COL7A1: variants seen among roughly 807,000 people sequenced by gnomAD.
COL7A1 encodes collagen type VII alpha 1 chain.
A neutral mutation model predicts 456.2 loss-of-function variants in COL7A1; 296 were observed. That is an observed-to-expected ratio of 0.65 (90% CI 0.59 to 0.71). The LOEUF is 0.71. COL7A1 is among the 30% of genes least tolerant of loss of function. The pLI is 0.00. For missense variants in COL7A1, 3,441 were observed against 4,017.2 expected (o/e 0.86, Z 3.88); for synonymous variants, 1,464 against 1,525.9 (o/e 0.96, Z 0.95).
In COL7A1 at chr3:48,587,247, G is replaced by C. The variant is rs757498533; in HGVS notation, c.3082C>G (p.Leu1028Val). The C allele has an allele frequency of 1.2e-6, 2 of 1,613,144 alleles. No homozygotes were observed. Among genetic ancestry groups the C allele is most frequent in the African/African-American group, 1.3e-5 (1 of 74,870 alleles). The stretch of plus-strand genomic sequence containing the variant: ...CGCACACCATCCAGGACAGGCGTCA[G>C]GGAGAAGATGTAAGAGACGCCAGGC... Reference protein sequence around the residue: ...LEPGVSYIFSLTPVLDGVRGP... With the variant: ...LEPGVSYIFSVTPVLDGVRGP... Residue 1028 changes from leucine to valine, a missense_variant, in exon 24 of 119, where the codon CTG (leucine) becomes GTG (valine). By Grantham distance (32) the Leu-to-Val change is conservative (BLOSUM62 1). Coordinates refer to ENST00000681320, the MANE Select transcript of COL7A1 (RefSeq NM_000094.4). The surrounding 1 kb of genome is among the most constrained non-coding windows in gnomAD (Gnocchi z 6.1).
intron 2 of COL7A1, 45 bp downstream of exon 2, chr3:48,595,030 G>A (rs1244710835): frequency 3.4e-6 from 5 of 1,456,130 alleles, no homozygotes; most frequent in Admixed American, 4.0e-5. Flanking sequence ...GCGGAGGGTG[G>A]CACGGTGCAG....
At position 48,575,649 on chromosome 3, in the gene COL7A1, C is replaced by T. The variant is rs144208360; in HGVS notation, c.5956G>A (p.Glu1986Lys). 9.7e-5 allele frequency: 156 copies of T among 1,613,484 alleles called. No homozygotes were observed. The highest frequency in any genetic ancestry group is 9.1e-4 in the African/African-American group (68 of 75,078). The change falls in exon 73 of 119, where the codon GAA becomes AAA. Residue 1986 changes from glutamate (E) to lysine (K), a missense_variant. Physicochemically the swap from Glu to Lys is moderately conservative, Grantham distance 56. Around this residue, in one of 3 missense-constraint regions of COL7A1, gnomAD observed 2,084 missense variants for 2,501.3 expected, o/e 0.83. Coordinates refer to ENST00000681320, the MANE Select transcript of COL7A1 (RefSeq NM_000094.4). The surrounding 1 kb of genome is among the most constrained non-coding windows in gnomAD (Gnocchi z 6.3). ...ACCTCCTTGCCTGGGGGGCCCTGTT[C>T]GCCTGAGTCCCCCTTGGGGCCTCGA... ...RRRGPKGDSG[E>K]QGPPGKEGPI...
rs754267046 is a variant in COL7A1 at position 48,593,304 on chromosome 3, C to T, written c.521-41G>A. On this transcript the variant is annotated intron_variant, in intron 5 of 118. Transcript: ENST00000681320. The surrounding 1 kb of genome is among the most constrained non-coding windows in gnomAD (Gnocchi z 4.4). ...ATCAGGACTCAGTCACCCACATGCT[C>T]TCTGACTGCCCCCACCCCCCAGCTG... The T allele has an allele frequency of 1.9e-6, 3 of 1,614,082 alleles. No homozygotes were observed. Among genetic ancestry groups the T allele is most frequent in the Non-Finnish European group, 2.5e-6 (3 of 1,180,024 alleles).
chr3:48,571,814 C>T lies in COL7A1; in HGVS notation c.7068+187G>A, dbSNP rs1270444554. 17 of 721,780 alleles carry T rather than the reference C, an allele frequency of 2.4e-5. No homozygotes were observed. Among genetic ancestry groups the T allele is most frequent in the Non-Finnish European group, 4.0e-5 (17 of 423,912 alleles). 44.7% of individuals were successfully genotyped at this position (721,780 alleles called of 1,614,324 possible). ...GGCACACAGAAGCCAAGACAGGGCC[C>T]CCAGAGCTCAGAGTGTGGAAGCCGA... On this transcript the variant is annotated intron_variant, in intron 92 of 118. Transcript: ENST00000681320. This position sits in a 1 kb window ranked among gnomAD's most constrained non-coding sequence, Gnocchi z 4.6.
rs2045911530 is a variant in COL7A1, at chr3:48,594,233, G to T, written c.266+135C>A. On this transcript the variant is annotated intron_variant, in intron 3 of 118. Transcript: ENST00000681320. The surrounding 1 kb of genome is among the most constrained non-coding windows in gnomAD (Gnocchi z 5.5). ...ACCTCTGTCTCCAAAGGAGGTCCTG[G>T]CTAGGGGGTCTCTAGGTTCCCCAAA... 2 of 1,018,938 alleles carry T rather than the reference G, an allele frequency of 2.0e-6. No individual in the cohort carries two copies. Among genetic ancestry groups the T allele is most frequent in the East Asian group, 2.4e-5 (1 of 41,258 alleles). The allele number at this position is 1,018,938 out of a possible 1,614,324, so 63.1% of individuals were successfully genotyped here.
rs2043843255 is a variant in COL7A1 at position 48,570,517 on chromosome 3, G to C, written c.7345-17C>G. The C allele has an allele frequency of 6.2e-7, 1 of 1,614,028 alleles. No individual in the cohort carries two copies. The highest frequency in any genetic ancestry group is 8.5e-7 in the Non-Finnish European group (1 of 1,179,962). The stretch of plus-strand genomic sequence containing the variant: ...AGGTGGTCCCTGTAGGTCAGAGTGA[G>C]GTGAGGGTCCTGTGGCTCTCAAAGC... On this transcript the variant is annotated splice_polypyrimidine_tract_variant and intron_variant, in intron 96 of 118. Transcript: ENST00000681320. The surrounding 1 kb of genome is among the most constrained non-coding windows in gnomAD (Gnocchi z 5.5).
In COL7A1 at chr3:48,586,601, C is replaced by G; in HGVS notation, c.3365G>C (p.Arg1122Pro). Residue 1122 changes from arginine to proline, a missense_variant, in exon 26 of 119, where the codon CGT (arginine) becomes CCT (proline). Arg to Pro is a moderately radical substitution (Grantham distance 103). Transcript: ENST00000681320. The surrounding 1 kb of genome is among the most constrained non-coding windows in gnomAD (Gnocchi z 5.1). ...ACTTGGGTCCATGTAGGGCATGTCACGGATCCTTTGCAAGATAATGCCAAG... is the reference window on the plus strand; with the variant it reads ...ACTTGGGTCCATGTAGGGCATGTCAGGGATCCTTTGCAAGATAATGCCAAG... ...HDLGIILQRI[R>P]DMPYMDPSGN... is the part of the protein sequence containing the mutation. The G allele has an allele frequency of 6.2e-7, 1 of 1,613,738 alleles. No homozygotes were observed. Among genetic ancestry groups the G allele is most frequent in the Non-Finnish European group, 8.5e-7 (1 of 1,180,006 alleles).
Position 48,573,798 on chromosome 3 carries a change from T to A in COL7A1, c.6537+57A>T, listed in dbSNP as rs1489174485. ...ACCAAGGAAACTGAGGCAGTACTGGTCACTGGGGCAGGGCACAGGATGGGG... is the reference window on the plus strand; with the variant it reads ...ACCAAGGAAACTGAGGCAGTACTGGACACTGGGGCAGGGCACAGGATGGGG... On this transcript the variant is annotated intron_variant, in intron 81 of 118. Transcript: ENST00000681320. This position sits in a 1 kb window ranked among gnomAD's most constrained non-coding sequence, Gnocchi z 5.5. The A allele has an allele frequency of 3.1e-6, 5 of 1,613,746 alleles. No individual in the cohort carries two copies. Among genetic ancestry groups the A allele is most frequent in the Non-Finnish European group, 4.2e-6 (5 of 1,179,942 alleles).
rs758878397 is a variant in COL7A1, at chr3:48,592,330, C to T, written c.1093+21G>A. 6.2e-7 allele frequency: 1 copy of T among 1,613,550 alleles called. No individual in the cohort carries two copies. Among genetic ancestry groups the T allele is most frequent in the Admixed American group, 1.7e-5 (1 of 60,032 alleles). The stretch of plus-strand genomic sequence containing the variant: ...TTGTCTGAGGCGCGGGGACTCCCCT[C>T]AGCCCACATCTCTCACTCACCACTG... On this transcript the variant is annotated intron_variant, in intron 9 of 118. Coordinates refer to ENST00000681320, the MANE Select transcript of COL7A1 (RefSeq NM_000094.4). The surrounding 1 kb of genome is among the most constrained non-coding windows in gnomAD (Gnocchi z 7.6).
Position 48,564,809 on chromosome 3 carries a change from G to C in COL7A1, c.8792C>G (p.Pro2931Arg). The change falls in exon 118 of 119, where the codon CCC (proline) becomes CGC (arginine). Residue 2931 changes from proline to arginine, a missense_variant. Pro to Arg is a moderately radical substitution (Grantham distance 103, BLOSUM62 -2). Coordinates refer to ENST00000681320, the MANE Select transcript of COL7A1 (RefSeq NM_000094.4). The surrounding 1 kb of genome is among the most constrained non-coding windows in gnomAD (Gnocchi z 6.0). ...TGTCCCCTGGCTCTGGACCACCCGG[G>C]GTGGGCAGCGGCGCTCGCAGGCCTC... ...TREACERRCP[P>R]RVVQSQGTGT... 1 of 1,613,974 alleles carries C rather than the reference G, an allele frequency of 6.2e-7. No homozygotes were observed. Among genetic ancestry groups the C allele is most frequent in the Non-Finnish European group, 8.5e-7 (1 of 1,179,988 alleles).
chr3:48,564,793 G>C lies in COL7A1; in HGVS notation c.8808C>G (p.Ser2936Arg), dbSNP rs138568420. ...ERRCPPRVVQ[S>R]QGTGTAQD ...GGGCTCAGCCCATACCTGTCCCCTG[G>C]CTCTGGACCACCCGGGGTGGGCAGC... Residue 2936 changes from serine (S) to arginine (R), a missense_variant, in exon 118 of 119, where the codon AGC (serine) becomes AGG (arginine). Physicochemically the swap from Ser to Arg is moderately radical, Grantham distance 110. Transcript: ENST00000681320. The surrounding 1 kb of genome is among the most constrained non-coding windows in gnomAD (Gnocchi z 6.0). The C allele has an allele frequency of 3.7e-5, 59 of 1,613,744 alleles. No homozygotes were observed. The African/African-American group carries it at 6.7e-4, about 18-fold the overall frequency.
rs2045585904 is a variant in COL7A1 at position 48,590,156 on chromosome 3, T to C, written c.2050+57A>G. The C allele has an allele frequency of 6.3e-6, 10 of 1,590,186 alleles. No homozygotes were observed. Among genetic ancestry groups the C allele is most frequent in the Non-Finnish European group, 8.6e-6 (10 of 1,166,798 alleles). The stretch of plus-strand genomic sequence containing the variant: ...AAGCAAGGGTCTGCAAGGGAAGGCA[T>C]GGGGGTCTGAAAGAGCAATGGAGGC... On this transcript the variant is annotated intron_variant, in intron 16 of 118. Coordinates refer to ENST00000681320, the MANE Select transcript of COL7A1 (RefSeq NM_000094.4). The surrounding 1 kb of genome is among the most constrained non-coding windows in gnomAD (Gnocchi z 4.6).
chr3:48,581,151 C>T lies in COL7A1; in HGVS notation c.4906G>A (p.Val1636Ile), dbSNP rs374596583. ...GGACCCTCGTCACCTTTCTCTCCAA[C>T]TTCACCCTGTGAAACATGAGAGTCA... ...PVGPRGRDGE[V>I]GEKGDEGPPG... Residue 1636 changes from valine (V) to isoleucine (I), a missense_variant, in exon 53 of 119, where the codon GTT becomes ATT. Around this residue, in one of 3 missense-constraint regions of COL7A1, gnomAD observed 2,084 missense variants for 2,501.3 expected, o/e 0.83. Transcript: ENST00000681320. This position sits in a 1 kb window ranked among gnomAD's most constrained non-coding sequence, Gnocchi z 5.8. The T allele has an allele frequency of 1.9e-6, 3 of 1,613,866 alleles. No homozygotes were observed. Among genetic ancestry groups the T allele is most frequent in the Non-Finnish European group, 2.5e-6 (3 of 1,180,020 alleles).
At position 48,578,176 on chromosome 3, in the gene COL7A1, A is replaced by C. The variant is rs1400015393; in HGVS notation, c.5532+145T>G. On this transcript the variant is annotated intron_variant, in intron 65 of 118. Transcript: ENST00000681320. This position sits in a 1 kb window ranked among gnomAD's most constrained non-coding sequence, Gnocchi z 4.7. Reference sequence around the variant, plus strand: ...CGAAACTCCATCTCAAAAAAAAAAAAACTATGTTTCTGGATGCATCTGTAT... The same window carrying C: ...CGAAACTCCATCTCAAAAAAAAAAACACTATGTTTCTGGATGCATCTGTAT... 4.1e-6 allele frequency: 4 copies of C among 977,554 alleles called. No individual in the cohort carries two copies. The highest frequency in any genetic ancestry group is 1.5e-5 in the South Asian group (1 of 66,238). The allele number at this position is 977,554 out of a possible 1,614,324, so 60.6% of individuals were successfully genotyped here. A position where few individuals can be genotyped will look rare whatever the true frequency, so the allele number is the denominator to read the frequency against.
rs751484538 is a variant in COL7A1 at position 48,572,982 on chromosome 3, T to C, written c.6750+39A>G. 8 of 1,613,884 alleles carry C rather than the reference T, an allele frequency of 5.0e-6. No individual in the cohort carries two copies. In the Admixed American group the frequency reaches 1.0e-4, roughly 20 times the overall value. On this transcript the variant is annotated intron_variant, in intron 86 of 118. Coordinates refer to ENST00000681320, the MANE Select transcript of COL7A1 (RefSeq NM_000094.4). This position sits in a 1 kb window ranked among gnomAD's most constrained non-coding sequence, Gnocchi z 4.6. ...CTCTGTCAGGGCTGCCTGTCGACCC[T>C]TGACCCCTGGAGCCCAACCCTTGAC...
chr3:48,568,361 G>T lies in COL7A1; in HGVS notation c.7794+138C>A. 1 of 1,066,588 alleles carries T rather than the reference G, an allele frequency of 9.4e-7. No homozygotes were observed. Among genetic ancestry groups the T allele is most frequent in the East Asian group, 2.5e-5 (1 of 40,794 alleles). The allele number at this position is 1,066,588 out of a possible 1,614,324, so 66.1% of individuals were successfully genotyped here. On this transcript the variant is annotated intron_variant, in intron 105 of 118. Coordinates refer to ENST00000681320, the MANE Select transcript of COL7A1 (RefSeq NM_000094.4). This position sits in a 1 kb window ranked among gnomAD's most constrained non-coding sequence, Gnocchi z 5.2. ...ATCATAGGCGGCTACTGTGGAGGTG[G>T]GGGACCCTGGGTGACATGAGGACAC...
In COL7A1 at chr3:48,573,698, C is replaced by G. The variant is rs1355721102; in HGVS notation, c.6565G>C (p.Gly2189Arg). The part of the protein sequence containing the change: ...VGGHGDPGPP[G>R]APGLAGPAGP... ...GTTCCCTGGTCACTCACCGGGGCAC[C>G]AGGTGGTCCAGGGTCTCCATGACCA... Residue 2189 changes from glycine to arginine, a missense_variant, in exon 82 of 119, where the codon GGT becomes CGT. Gly to Arg is a moderately radical substitution (Grantham distance 125, BLOSUM62 -2). Coordinates refer to ENST00000681320, the MANE Select transcript of COL7A1 (RefSeq NM_000094.4). The surrounding 1 kb of genome is among the most constrained non-coding windows in gnomAD (Gnocchi z 5.5). The G allele has an allele frequency of 6.2e-7, 1 of 1,613,132 alleles. No individual in the cohort carries two copies. Among genetic ancestry groups the G allele is most frequent in the African/African-American group, 1.3e-5 (1 of 75,006 alleles).
rs774363321 is a variant in COL7A1 at position 48,587,035 on chromosome 3, A to G, written c.3213T>C (p.Ala1071=). 14 of 1,607,384 alleles carry G rather than the reference A, an allele frequency of 8.7e-6. No individual in the cohort carries two copies. The highest frequency in any genetic ancestry group is 1.3e-5 in the African/African-American group (1 of 74,776). ...ATQDNAHRAE[A]TRRVLERLVL... ...CCAGACGCTCCAGGACCCTCCTCGT[A>G]GCCTCCGCACGGTGAGCATTGTCTT... The change falls in exon 25 of 119, where the codon GCT becomes GCC. Residue 1071 remains alanine (A), a synonymous_variant. Transcript: ENST00000681320. This position sits in a 1 kb window ranked among gnomAD's most constrained non-coding sequence, Gnocchi z 6.1.
rs147462803 is a variant in COL7A1 at position 48,566,560 on chromosome 3, G to A, written c.8308C>T (p.Arg2770Trp). 3.0e-5 allele frequency: 48 copies of A among 1,613,744 alleles called. No individual in the cohort carries two copies. Among genetic ancestry groups the A allele is most frequent in the East Asian group, 4.5e-5 (2 of 44,848 alleles). Residue 2770 changes from arginine (R) to tryptophan (W), a missense_variant, in exon 113 of 119, where the codon CGG becomes TGG. Around this residue, in one of 3 missense-constraint regions of COL7A1, gnomAD observed 2,084 missense variants for 2,501.3 expected, o/e 0.83. Transcript: ENST00000681320. The surrounding 1 kb of genome is among the most constrained non-coding windows in gnomAD (Gnocchi z 5.9). ...GAPGERGEQG[R>W]PGPAGPRGEK... ...CCTCGAGGACCGGCAGGCCCTGGCC[G>A]CCCCTATGTGCAACAGATGGGACCA...
Sources: allele counts gnomAD v4.1 joint callset, GRCh38; gene constraint gnomAD v4.1.1; regional missense constraint gnomAD v4.1.1; non-coding constraint Gnocchi (gnomAD v3.1); transcripts MANE v1.5; gene names NCBI Gene and HGNC (gene_info 2026-07-23, HGNC 2026-07-21).